NOTCH4: variants seen among roughly 807,000 people sequenced by gnomAD.
The protein encoded by NOTCH4 is notch receptor 4, also known as neurogenic locus notch homolog protein 4.
NOTCH4 carries 138 observed loss-of-function variants against 189.0 expected under a neutral mutation model. That is an observed-to-expected ratio of 0.73 (90% CI 0.64 to 0.84). The LOEUF (loss-of-function observed/expected upper bound fraction) is 0.84, where lower values mean the gene tolerates loss of function less well. Among genes scored for constraint, NOTCH4 ranks in the 40% least tolerant of loss-of-function variants. NOTCH4 has a pLI of 0.00. For missense variants in NOTCH4, 2,286 were observed against 2,605.4 expected, an observed-to-expected ratio of 0.88 and a Z score of 2.67; for synonymous variants, 942 against 1,032.8, an observed-to-expected ratio of 0.91 and a Z score of 1.69.
In NOTCH4 at chr6:32,200,239, C is replaced by G. The variant is rs1241410130; in HGVS notation, c.4315+592G>C. On this transcript the variant is annotated intron_variant, in intron 23 of 29. Transcript: ENST00000375023. The surrounding 1 kb of genome is among the most constrained non-coding windows in gnomAD (Gnocchi z 5.0). The stretch of plus-strand genomic sequence containing the variant: ...TCTTTTTTTTTTTTTGAGATGGAGT[C>G]TCCCTCTGTCGCCCAGGCTGGAGTG... 6.7e-6 allele frequency among the ~76,000 whole-genome samples: 1 copy of G among 149,304 alleles called. No individual in the cohort carries two copies. The highest frequency in any genetic ancestry group is 1.5e-5 in the Non-Finnish European group (1 of 67,606).
chr6:32,222,865 C>T lies in NOTCH4; in HGVS notation c.156-59G>A, dbSNP rs1201201695. ...TGGTCCCTCTTCCTATTCTTGCCCA[C>T]TCCCTCCTCTGCCTTCATTTGTTTC... On this transcript the variant is annotated intron_variant, in intron 2 of 29. Transcript: ENST00000375023. 6 of 1,589,680 alleles carry T rather than the reference C, an allele frequency of 3.8e-6. No homozygotes were observed. The South Asian group carries it at 4.4e-5, about 12-fold the overall frequency.
At chr6:32,206,348 T>C (rs1270486081) in intron 18 of NOTCH4, among the ~76,000 whole-genome samples, 1 of 152,038 alleles carries the variant, frequency 6.6e-6, no homozygotes, top group Non-Finnish European at 1.5e-5. Context: ...ACAAATTCAG[T>C]AAAGCTGTAG....
At chr6:32,216,641 G>C in intron 11 of NOTCH4, 2 of 512,446 alleles carry the variant, frequency 3.9e-6, no homozygotes, top group Non-Finnish European at 7.1e-6. Context: ...TCCGTATCTG[G>C]CATAGTAGGC....
chr6:32,197,818 T>TG (rs1788049209), intron 26 of NOTCH4, among the ~76,000 whole-genome samples: 1 of 130,452 alleles, frequency 7.7e-6, no homozygotes, highest in Non-Finnish European at 1.7e-5. Flanking sequence ...AGTGGTTTTC[T>TG]CTTTTTTTTT....
rs972643819 is a variant in NOTCH4 at position 32,200,071 on chromosome 6, G to A, written c.4315+760C>T. Among the ~76,000 whole-genome samples, 1 of 152,136 alleles carries A rather than the reference G, an allele frequency of 6.6e-6. No homozygotes were observed. Among genetic ancestry groups the A allele is most frequent in the Non-Finnish European group, 1.5e-5 (1 of 68,022 alleles). ...ATATTCCAAAATAAATCCGAAATCT[G>A]AAACACTTTTGTTCCCAAGCATTTC... On this transcript the variant is annotated intron_variant, in intron 23 of 29. Coordinates refer to ENST00000375023, the MANE Select transcript of NOTCH4 (RefSeq NM_004557.4). This position sits in a 1 kb window ranked among gnomAD's most constrained non-coding sequence, Gnocchi z 5.0.
In NOTCH4 at chr6:32,200,104, G is replaced by A. The variant is rs561153606; in HGVS notation, c.4315+727C>T. 6.6e-6 allele frequency among the ~76,000 whole-genome samples: 1 copy of A among 152,186 alleles called. No individual in the cohort carries two copies. The highest frequency in any genetic ancestry group is 2.1e-4 in the South Asian group (1 of 4,824). ...TTTGTTCCCAAGCATTTCAGATAAG[G>A]GATACTCAACCAGCAGTACGTGCCT... On this transcript the variant is annotated intron_variant, in intron 23 of 29. Coordinates refer to ENST00000375023, the MANE Select transcript of NOTCH4 (RefSeq NM_004557.4). This position sits in a 1 kb window ranked among gnomAD's most constrained non-coding sequence, Gnocchi z 5.0.
intron 3 of NOTCH4, 68 bp downstream of exon 3, chr6:32,222,443 C>T: frequency 7.3e-7 from 1 of 1,374,438 alleles, no homozygotes; most frequent in Non-Finnish European, 9.6e-7. Flanking sequence ...CCAGTTCTAT[C>T]TTCCCCACCC....
At position 32,201,071 on chromosome 6, in the gene NOTCH4, C is replaced by G; in HGVS notation, c.4139+46G>C. On this transcript the variant is annotated intron_variant, in intron 22 of 29. Coordinates refer to ENST00000375023, the MANE Select transcript of NOTCH4 (RefSeq NM_004557.4). This position sits in a 1 kb window ranked among gnomAD's most constrained non-coding sequence, Gnocchi z 5.5. ...TGGCTCCCTTTCCTCCCTCTGCCCT[C>G]TTAAAAAAACTGGTGTCTGGCCCTT... 6.4e-7 allele frequency: 1 copy of G among 1,574,064 alleles called. No homozygotes were observed. The highest frequency in any genetic ancestry group is 1.2e-5 in the South Asian group (1 of 83,920).
rs776714201 is a variant in NOTCH4 at position 32,204,204 on chromosome 6, G to C, written c.3051C>G (p.Pro1017=). Residue 1017 remains proline, a synonymous_variant, in exon 19 of 30, where the codon CCC becomes CCG. Transcript: ENST00000375023. ...VDECLDQPCH[P]TGTAACHSLA... is the part of the protein sequence containing the mutation. ...GAGAGTGGCAGGCTGCAGTGCCTGT[G>C]GGGTGGCAGGGCTGGTCCAGACACT... is the stretch of plus-strand genomic sequence containing the variant. 3.1e-6 allele frequency: 5 copies of C among 1,613,014 alleles called. No homozygotes were observed. The South Asian group carries it at 5.5e-5, about 18-fold the overall frequency.
intron 18 of NOTCH4, among the ~76,000 whole-genome samples, chr6:32,208,788 G>A (rs1582797327): frequency 6.6e-6 from 1 of 152,312 alleles, no homozygotes; most frequent in Middle Eastern, 3.4e-3. Flanking sequence ...TGCAGAGAAA[G>A]GGGAACCCTC....
chr6:32,223,085 C>A lies in NOTCH4; in HGVS notation c.75G>T (p.Gly25=). The A allele has an allele frequency of 6.2e-7, 1 of 1,613,704 alleles. No individual in the cohort carries two copies. Among genetic ancestry groups the A allele is most frequent in the Non-Finnish European group, 8.5e-7 (1 of 1,179,674 alleles). ...GTTCTGGGAAACTCCCACACAGCAGCCCTGAGGGTGGAGAGGCAGGCGCAA... is the reference window on the plus strand; with the variant it reads ...GTTCTGGGAAACTCCCACACAGCAGACCTGAGGGTGGAGAGGCAGGCGCAA... ...LLCVSVVRPR[G]LLCGSFPEPC... Residue 25 remains glycine, a splice_region_variant and synonymous_variant, in exon 2 of 30, where the codon GGG becomes GGT. Coordinates refer to ENST00000375023, the MANE Select transcript of NOTCH4 (RefSeq NM_004557.4).
chr6:32,195,355 T>G lies in NOTCH4; in HGVS notation c.*82A>C. ...ACTCACAACCCTTCATTTTGGGGGA[T>G]CCATCTTAAAACCAGGAAGGCCTTC... is the stretch of plus-strand genomic sequence containing the variant. On this transcript the variant is annotated 3_prime_UTR_variant, in exon 30 of 30. Transcript: ENST00000375023. This position sits in a 1 kb window ranked among gnomAD's most constrained non-coding sequence, Gnocchi z 5.4. 1 of 1,320,336 alleles carries G rather than the reference T, an allele frequency of 7.6e-7. No homozygotes were observed. The highest frequency in any genetic ancestry group is 1.0e-6 in the Non-Finnish European group (1 of 967,242). 81.8% of individuals were successfully genotyped at this position (1,320,336 alleles called of 1,614,324 possible).
In NOTCH4 at chr6:32,221,393, G is replaced by A. The variant is rs796540058; in HGVS notation, c.452-68C>T. 8.6e-7 allele frequency: 1 copy of A among 1,163,946 alleles called. No individual in the cohort carries two copies. Among genetic ancestry groups the A allele is most frequent in the African/African-American group, 1.5e-5 (1 of 65,514 alleles). 72.1% of individuals were successfully genotyped at this position (1,163,946 alleles called of 1,614,324 possible). A position where few individuals can be genotyped will look rare whatever the true frequency, so the allele number is the denominator to read the frequency against. On this transcript the variant is annotated intron_variant, in intron 3 of 29. Transcript: ENST00000375023. The surrounding 1 kb of genome is among the most constrained non-coding windows in gnomAD (Gnocchi z 4.3). Reference sequence around the variant, plus strand: ...ATTCTAGCCCATCTGAGGTTACCCAGTGCTCACTCTGGATTATCTCTGGGT... The same window carrying A: ...ATTCTAGCCCATCTGAGGTTACCCAATGCTCACTCTGGATTATCTCTGGGT...
chr6:32,209,646 G>T (rs1320160380), intron 18 of NOTCH4, among the ~76,000 whole-genome samples: 2 of 152,074 alleles, frequency 1.3e-5, no homozygotes, highest in African/African-American at 4.8e-5. Context: ...ACTTTGGCAG[G>T]CTGAGCGGGT....
In NOTCH4 at chr6:32,220,399, C is replaced by G. The variant is rs1299346440; in HGVS notation, c.1159+6G>C. 6.2e-7 allele frequency: 1 copy of G among 1,613,686 alleles called. No homozygotes were observed. The highest frequency in any genetic ancestry group is 8.5e-7 in the Non-Finnish European group (1 of 1,179,582). ...TCCCACCTCCTGATACCCTCTACCC[C>G]CATACCTGTGCGTCCAGGTGGGCAG... On this transcript the variant is annotated splice_donor_region_variant and intron_variant, in intron 6 of 29. Coordinates refer to ENST00000375023, the MANE Select transcript of NOTCH4 (RefSeq NM_004557.4).
chr6:32,201,133 C>G lies in NOTCH4; in HGVS notation c.4123G>C (p.Asp1375His). Reference protein sequence around the residue: ...PQTQPLGKETDSLSAGFVVVM... With the variant: ...PQTQPLGKETHSLSAGFVVVM... ...GCTTCTTACCCAGCACTGAGGGAGT[C>G]GGTCTCCTTGCCCAGGGGCTGCGTT... Residue 1375 changes from aspartate to histidine, a missense_variant, in exon 22 of 30, where the codon GAC becomes CAC. Around this residue, in one of 2 missense-constraint regions of NOTCH4, gnomAD observed 1,903 missense variants for 2,261.9 expected, o/e 0.84. Coordinates refer to ENST00000375023, the MANE Select transcript of NOTCH4 (RefSeq NM_004557.4). The surrounding 1 kb of genome is among the most constrained non-coding windows in gnomAD (Gnocchi z 5.5). 2 of 1,610,822 alleles carry G rather than the reference C, an allele frequency of 1.2e-6. No individual in the cohort carries two copies. The highest frequency in any genetic ancestry group is 1.3e-5 in the African/African-American group (1 of 75,004).
In NOTCH4 at chr6:32,207,461, T is replaced by G. The variant is rs796812351; in HGVS notation, c.2866-3072A>C. ...CAATATGGTGAAACCCCATCTCTAC[T>G]AAAATTACAAAAATTAGCCGGGCGT... On this transcript the variant is annotated intron_variant, in intron 18 of 29. Transcript: ENST00000375023. Among the ~76,000 whole-genome samples, 3 of 151,364 alleles carry G rather than the reference T, an allele frequency of 2.0e-5. No individual in the cohort carries two copies. The East Asian group carries it at 6.0e-4, about 30-fold the overall frequency.
rs148631044 is a variant in NOTCH4 at position 32,217,046 on chromosome 6, T to C, written c.1760A>G (p.Gln587Arg). ...ACTCAGGCACTCATCCACCTCTGTTTGACAGCGTGGCCCTTCAAAGCCTGT... is the reference window on the plus strand; with the variant it reads ...ACTCAGGCACTCATCCACCTCTGTTCGACAGCGTGGCCCTTCAAAGCCTGT... ...CLPGFEGPRC[Q>R]TEVDECLSDP... The change falls in exon 11 of 30, where the codon CAA becomes CGA. Residue 587 changes from glutamine (Q) to arginine (R), a missense_variant. Physicochemically the swap from Gln to Arg is conservative, Grantham distance 43. This residue lies in a region of NOTCH4 where 1,903 missense variants were observed against 2,261.9 expected (regional missense o/e 0.84). Transcript: ENST00000375023. This position sits in a 1 kb window ranked among gnomAD's most constrained non-coding sequence, Gnocchi z 4.2. The C allele has an allele frequency of 3.3e-5, 54 of 1,613,110 alleles. No homozygotes were observed. The African/African-American group carries it at 6.7e-4, about 20-fold the overall frequency.
intron 1 of NOTCH4, 45 bp from the exon 2 acceptor site, chr6:32,223,131 C>A (rs748816218): frequency 6.8e-7 from 1 of 1,461,210 alleles, no homozygotes; most frequent in Admixed American, 1.7e-5. Flanking sequence ...GGGTGCTGTG[C>A]CTCCACCTTT....
Sources: gnomAD v4.1 joint callset for allele counts (sites outside exome capture counted in the v4.1 genomes callset) on GRCh38, gnomAD v4.1.1 for gene constraint, gnomAD v4.1.1 regional missense constraint, Gnocchi (gnomAD v3.1) non-coding constraint, MANE v1.5 for transcripts, NCBI Gene and HGNC (gene_info 2026-07-23, HGNC 2026-07-21) for gene names.